TNFRSF13B: variants seen among roughly 807,000 people sequenced by gnomAD.
TNFRSF13B encodes the protein tumor necrosis factor receptor superfamily member 13B.
TNFRSF13B carries 34 observed loss-of-function variants against 24.0 expected under a neutral mutation model. The ratio of observed to expected loss-of-function variants is 1.41; its 90% CI spans 1.08 to 1.88. The LOEUF (loss-of-function observed/expected upper bound fraction) is 1.88. Among genes scored for constraint, TNFRSF13B ranks in the 40% most tolerant of loss-of-function variants. The probability of loss-of-function intolerance (pLI) is 0.00; values close to 1 mark genes in which losing one functional copy is unlikely to be tolerated. For synonymous variants in TNFRSF13B, 173 were observed against 150.3 expected (o/e 1.15, Z -1.10); for missense variants, 415 against 380.8 (o/e 1.09, Z -0.75).
intron 3 of TNFRSF13B, among the ~76,000 whole-genome samples, chr17:16,948,148 A>G (rs1315091902): frequency 6.6e-6 from 1 of 152,190 alleles, no homozygotes; most frequent in East Asian, 1.9e-4. Flanking sequence ...ATACAGATGG[A>G]CATAAAGACA....
chr17:16,966,594 G>A (rs575055980), intron 1 of TNFRSF13B, among the ~76,000 whole-genome samples: 8 of 152,136 alleles, frequency 5.3e-5, no homozygotes, highest in Non-Finnish European at 1.2e-4. Context: ...CAGAGCCTGT[G>A]GGGAGAGTGG....
At chr17:16,968,321 A>G (rs2087720020) in intron 1 of TNFRSF13B, among the ~76,000 whole-genome samples, 1 of 152,354 alleles carries the variant, frequency 6.6e-6, no homozygotes, top group Non-Finnish European at 1.5e-5. Context: ...AACTTATTGC[A>G]AGGCAATGCT....
At chr17:16,967,026 A>G (rs892067181) in intron 1 of TNFRSF13B, among the ~76,000 whole-genome samples, 4 of 151,846 alleles carry the variant, frequency 2.6e-5, no homozygotes, top group Non-Finnish European at 5.9e-5. Context: ...TTTAGTAGAG[A>G]TGGGGTTTCA....
chr17:16,952,504 G>A lies in TNFRSF13B; in HGVS notation c.141C>T (p.Cys47=), dbSNP rs1002042381. 2 of 1,614,188 alleles carry A rather than the reference G, an allele frequency of 1.2e-6. No individual in the cohort carries two copies. The highest frequency in any genetic ancestry group is 1.3e-5 in the African/African-American group (1 of 75,048). The change falls in exon 2 of 5, where the codon TGC becomes TGT. Residue 47 remains cysteine, a synonymous_variant. Coordinates refer to ENST00000261652, the MANE Select transcript of TNFRSF13B (RefSeq NM_012452.3). ...EQYWDPLLGT[C]MSCKTICNHQ... ...GGTTGCAAATGGTTTTGCAGGACAT[G>A]CAGGTACCCAGCAGAGGATCCCAGT...
At chr17:16,950,906 C>T (rs1450907976) in intron 2 of TNFRSF13B, among the ~76,000 whole-genome samples, 6 of 152,192 alleles carry the variant, frequency 3.9e-5, no homozygotes, top group African/African-American at 1.4e-4. Context: ...GATGGTGCTT[C>T]CTCTAGGGAC....
In TNFRSF13B at chr17:16,941,277, C is replaced by T. The variant is rs146502724; in HGVS notation, c.446-766G>A. The T allele has an allele frequency of 2.0e-4, 195 of 987,734 alleles. No homozygotes were observed. The East Asian group carries it at 6.4e-3, about 32-fold the overall frequency. 61.2% of individuals were successfully genotyped at this position (987,734 alleles called of 1,614,324 possible). A position where few individuals can be genotyped will look rare whatever the true frequency, so the allele number is the denominator to read the frequency against. On this transcript the variant is annotated intron_variant, in intron 3 of 4. Coordinates refer to ENST00000261652, the MANE Select transcript of TNFRSF13B (RefSeq NM_012452.3). ...CTGTGTTTGAGAGTAGGACAGGCGA[C>T]GTTACACTGAGACCAGGACAGCAGG...
chr17:16,967,953 C>T (rs1373233608), intron 1 of TNFRSF13B, among the ~76,000 whole-genome samples: 4 of 150,324 alleles, frequency 2.7e-5, no homozygotes, highest in African/African-American at 7.4e-5. Context: ...CTGGCTAACA[C>T]GGTGAAACCG....
chr17:16,967,027 T>C (rs1383108377), intron 1 of TNFRSF13B, among the ~76,000 whole-genome samples: 1 of 151,898 alleles, frequency 6.6e-6, no homozygotes, highest in Non-Finnish European at 1.5e-5. Context: ...TTAGTAGAGA[T>C]GGGGTTTCAC....
At chr17:16,965,774 A>T (rs2087694496) in intron 1 of TNFRSF13B, among the ~76,000 whole-genome samples, 1 of 152,240 alleles carries the variant, frequency 6.6e-6, no homozygotes, top group Non-Finnish European at 1.5e-5. Context: ...TTTCCCTCAG[A>T]TCGAAAAGCA....
intron 2 of TNFRSF13B, 142 bp from the exon 3 acceptor site, chr17:16,949,125 C>A (rs2087571013): frequency 3.8e-6 from 4 of 1,049,202 alleles, no homozygotes; most frequent in South Asian, 2.9e-5. Flanking sequence ...AGTACTTTTA[C>A]AATATACACA....
chr17:16,948,626 T>C (rs1447763860), intron 3 of TNFRSF13B, 112 bp downstream of exon 3: 7 of 1,496,546 alleles, frequency 4.7e-6, no homozygotes, highest in Non-Finnish European at 5.6e-6. Context: ...GGCCATTTGC[T>C]TGGACTCTGG....
At chr17:16,949,261 G>T (rs1378993839) in intron 2 of TNFRSF13B, among the ~76,000 whole-genome samples, 1 of 152,006 alleles carries the variant, frequency 6.6e-6, no homozygotes, top group African/African-American at 2.4e-5. Context: ...TGACCTATGG[G>T]TTATTTACAA....
intron 1 of TNFRSF13B, among the ~76,000 whole-genome samples, chr17:16,969,933 G>A (rs1292495338): frequency 2.0e-5 from 3 of 152,198 alleles, no homozygotes; most frequent in Non-Finnish European, 4.4e-5. Context: ...ATATCACCGT[G>A]AAGGGTTGGT....
chr17:16,952,646 T>A (rs550232924), intron 1 of TNFRSF13B, 63 bp from the exon 2 acceptor site: 4 of 1,612,326 alleles, frequency 2.5e-6, no homozygotes, highest in Non-Finnish European at 2.5e-6. Context: ...TTGTCCCTGA[T>A]GGGAACCAAG....
intron 1 of TNFRSF13B, among the ~76,000 whole-genome samples, chr17:16,963,742 G>A (rs959750380): frequency 2.0e-5 from 3 of 152,140 alleles, no homozygotes; most frequent in Admixed American, 2.0e-4. Context: ...AGTAGAGACA[G>A]GGTTTCACCG....
At chr17:16,946,119 A>G (rs895507517) in intron 3 of TNFRSF13B, among the ~76,000 whole-genome samples, 4 of 152,236 alleles carry the variant, frequency 2.6e-5, no homozygotes, top group Admixed American at 6.5e-5. Flanking sequence ...CTTGTTAGGC[A>G]GCAGCAGCTA....
intron 2 of TNFRSF13B, among the ~76,000 whole-genome samples, chr17:16,951,817 G>T (rs561197194): frequency 9.1e-4 from 138 of 152,324 alleles, no homozygotes; most frequent in African/African-American, 3.2e-3. Context: ...GAACCCGGGC[G>T]GTGGAGGTTG....
intron 2 of TNFRSF13B, among the ~76,000 whole-genome samples, chr17:16,949,882 C>T (rs559776664): frequency 1.4e-4 from 22 of 152,074 alleles, no homozygotes; most frequent in Non-Finnish European, 2.6e-4. Context: ...GATGGACTTT[C>T]GCCGTGTTGG....
rs545486047 is a variant in TNFRSF13B, at chr17:16,966,515, A to G, written c.61+5500T>C. Among the ~76,000 whole-genome samples, 9 of 152,350 alleles carry G rather than the reference A, an allele frequency of 5.9e-5. No individual in the cohort carries two copies. In the South Asian group the frequency reaches 1.7e-3, roughly 28 times the overall value. On this transcript the variant is annotated intron_variant, in intron 1 of 4. Coordinates refer to ENST00000261652, the MANE Select transcript of TNFRSF13B (RefSeq NM_012452.3). ...CATTCAAAAGAGACAGGCAAATTCA[A>G]ACTACACTGATACCATATTCATGCT... is the stretch of plus-strand genomic sequence containing the variant.
Sources: allele counts gnomAD v4.1 joint callset (sites outside exome capture counted in the v4.1 genomes callset), GRCh38; gene constraint gnomAD v4.1.1; transcripts MANE v1.5; gene names NCBI Gene and HGNC (gene_info 2026-07-23, HGNC 2026-07-21).